DCAF10: variants seen among roughly 807,000 people sequenced by gnomAD.
DCAF10 encodes the protein DDB1 and CUL4 associated factor 10.
A neutral mutation model predicts 51.9 loss-of-function variants in DCAF10; 19 were observed. That is an observed-to-expected ratio of 0.37 (90% confidence interval 0.26 to 0.54). The LOEUF is 0.54. Among genes scored for constraint, DCAF10 ranks in the 20% least tolerant of loss-of-function variants. DCAF10 has a pLI of 0.87. For missense variants in DCAF10, 510 were observed against 730.6 expected (o/e 0.70, Z 3.48); for synonymous variants, 291 against 297.1 (o/e 0.98, Z 0.21).
chr9:37,812,070 C>T (rs893788944), intron 1 of DCAF10, among the ~76,000 whole-genome samples: 6 of 152,068 alleles, frequency 3.9e-5, no homozygotes, highest in African/African-American at 1.4e-4. Flanking sequence ...GTCCCAGCTA[C>T]TCAGGAGGCT....
upstream of DCAF10, chr9:37,800,670 C>T: frequency 2.6e-6 from 4 of 1,535,980 alleles, no homozygotes; most frequent in African/African-American, 1.4e-5. Flanking sequence ...TCCCTACCTC[C>T]GTTCCCGGGA....
chr9:37,830,990 A>AGGTGGGCAGATTGCC (rs1426754609), intron 2 of DCAF10, among the ~76,000 whole-genome samples: 1 of 152,208 alleles, frequency 6.6e-6, no homozygotes, highest in Non-Finnish European at 1.5e-5. Flanking sequence ...TGGGAGGCTG[A>AGGTGGGCAGATTGCC]GGTGGGCAGA....
chr9:37,839,822 C>G (rs10122452), intron 2 of DCAF10, among the ~76,000 whole-genome samples: 29,174 of 152,146 alleles, frequency 0.19, 3,199 homozygotes, highest in African/African-American at 0.29. Context: ...TAATTATGTA[C>G]TTACAGTGTC....
rs1831047264 is a variant in DCAF10 at position 37,862,639 on chromosome 9, C to T, written c.*1131C>T. The T allele has an allele frequency of 6.6e-6, 1 of 152,190 alleles. No individual in the cohort carries two copies. The highest frequency in any genetic ancestry group is 2.4e-5 in the African/African-American group (1 of 41,442). 9.4% of individuals were successfully genotyped at this position (152,190 alleles called of 1,614,324 possible). A position where few individuals can be genotyped will look rare whatever the true frequency, so the allele number is the denominator to read the frequency against. ...ACTAAGTGCTGATATGAAGACTTGCCTTTGTGTTTTGTTATGAAACACGCA... is the reference window on the plus strand; with the variant it reads ...ACTAAGTGCTGATATGAAGACTTGCTTTTGTGTTTTGTTATGAAACACGCA... On this transcript the variant is annotated 3_prime_UTR_variant, in exon 7 of 7. Coordinates refer to ENST00000377724, the MANE Select transcript of DCAF10 (RefSeq NM_024345.5).
intron 4 of DCAF10, 50 bp from the exon 5 acceptor site, chr9:37,857,189 CCA>C (rs1830873111): frequency 7.4e-7 from 1 of 1,359,808 alleles, no homozygotes; most frequent in East Asian, 2.4e-5. Context: ...AAGTTAAGAG[CCA>C]CTACCAGAGT....
intron 2 of DCAF10, among the ~76,000 whole-genome samples, chr9:37,822,851 C>T: frequency 6.6e-6 from 1 of 151,998 alleles, no homozygotes. Flanking sequence ...ACCTGTAATC[C>T]CAGCAACTTG....
At chr9:37,820,768 C>A (rs1829678223) in intron 2 of DCAF10, among the ~76,000 whole-genome samples, 1 of 151,966 alleles carries the variant, frequency 6.6e-6, no homozygotes, top group Non-Finnish European at 1.5e-5. Context: ...TCAAAAGAAA[C>A]CTATAACCCA....
At position 37,829,872 on chromosome 9, in the gene DCAF10, T is replaced by C; in HGVS notation, c.653+10471T>C. ...CAATTTAAAAATTAGCCAGGTGTAG[T>C]TGCACGTGCCTATAGTCCCAGCTAC... On this transcript the variant is annotated intron_variant, in intron 2 of 6. Transcript: ENST00000377724. The surrounding 1 kb of genome is among the most constrained non-coding windows in gnomAD (Gnocchi z 4.2). Among the ~76,000 whole-genome samples, 1 of 151,918 alleles carries C rather than the reference T, an allele frequency of 6.6e-6. No individual in the cohort carries two copies. Among genetic ancestry groups the C allele is most frequent in the East Asian group, 1.9e-4 (1 of 5,176 alleles).
At chr9:37,845,706 A>G (rs9886745) in intron 3 of DCAF10, among the ~76,000 whole-genome samples, 29,162 of 152,102 alleles carry the variant, frequency 0.19, 3,204 homozygotes, top group African/African-American at 0.29. Flanking sequence ...AAACCTTCCC[A>G]TGATTCAGCA....
At position 37,819,149 on chromosome 9, in the gene DCAF10, A is replaced by C. The variant is rs7037700; in HGVS notation, c.540-139A>C. 5.8e-4 allele frequency: 363 copies of C among 621,304 alleles called. No individual in the cohort carries two copies. The African/African-American group carries it at 5.9e-3, about 10-fold the overall frequency. The allele number at this position is 621,304 out of a possible 1,614,324, so 38.5% of individuals were successfully genotyped here. ...CTCTTGCCAACCACAGATAGTATCA[A>C]TCTTTTAAACATTTGCTACTAACAT... On this transcript the variant is annotated intron_variant, in intron 1 of 6. Coordinates refer to ENST00000377724, the MANE Select transcript of DCAF10 (RefSeq NM_024345.5).
chr9:37,829,043 G>A lies in DCAF10; in HGVS notation c.653+9642G>A, dbSNP rs1829934610. Among the ~76,000 whole-genome samples the A allele has an allele frequency of 1.3e-5, 2 of 152,218 alleles. No homozygotes were observed. The highest frequency in any genetic ancestry group is 4.1e-4 in the South Asian group (2 of 4,826). ...AACCAAACGCATCATAATAATGTGA[G>A]AAGATAGGCTATAGTTGGTGGGAGA... is the stretch of plus-strand genomic sequence containing the variant. On this transcript the variant is annotated intron_variant, in intron 2 of 6. Transcript: ENST00000377724. This position sits in a 1 kb window ranked among gnomAD's most constrained non-coding sequence, Gnocchi z 4.2.
At chr9:37,848,927 C>T (rs1167804760) in intron 3 of DCAF10, among the ~76,000 whole-genome samples, 1 of 147,988 alleles carries the variant, frequency 6.8e-6, no homozygotes, top group Non-Finnish European at 1.5e-5. Context: ...GAGTCAAGAT[C>T]ACGCCACTGC....
At chr9:37,824,838 GA>G (rs1470862566) in intron 2 of DCAF10, among the ~76,000 whole-genome samples, 2 of 151,828 alleles carry the variant, frequency 1.3e-5, no homozygotes, top group Non-Finnish European at 2.9e-5. Context: ...AAGATAAAAT[GA>G]AACAGTACAC....
intron 1 of DCAF10, among the ~76,000 whole-genome samples, chr9:37,816,045 T>C (rs1042950972): frequency 1.3e-5 from 2 of 152,188 alleles, no homozygotes; most frequent in African/African-American, 4.8e-5. Context: ...CTTTCCTCCT[T>C]GGTCTCCCAA....
chr9:37,852,946 ATATATATATATATATATAT>A (rs371931980), intron 3 of DCAF10, among the ~76,000 whole-genome samples: 21,973 of 68,836 alleles, frequency 0.32, 1,955 homozygotes, highest in Non-Finnish European at 0.34. Flanking sequence ...ATATATATAT[ATATATATATATATATATAT>A]AAATTAGCTT....
rs1455358930 is a variant in DCAF10, at chr9:37,866,992, T to G, written c.*5484T>G. 1 of 152,186 alleles carries G rather than the reference T, an allele frequency of 6.6e-6. No individual in the cohort carries two copies. Among genetic ancestry groups the G allele is most frequent in the East Asian group, 1.9e-4 (1 of 5,200 alleles). The allele number at this position is 152,186 out of a possible 1,614,324, so 9.4% of individuals were successfully genotyped here. A position where few individuals can be genotyped will look rare whatever the true frequency, so the allele number is the denominator to read the frequency against. ...ATAGGCTTAAATTATCACGTATTGTTACAAAGACACAGTTTTGTCTCATTA... is the reference window on the plus strand; with the variant it reads ...ATAGGCTTAAATTATCACGTATTGTGACAAAGACACAGTTTTGTCTCATTA... On this transcript the variant is annotated 3_prime_UTR_variant, in exon 7 of 7. Transcript: ENST00000377724.
intron 1 of DCAF10, among the ~76,000 whole-genome samples, chr9:37,809,394 TAAAAA>T (rs60722292): frequency 3.1e-5 from 4 of 129,142 alleles, no homozygotes; most frequent in Non-Finnish European, 5.1e-5. Flanking sequence ...GGAAATATAG[TAAAAA>T]AAAAAAAAAG....
chr9:37,822,942 AG>A (rs1829749782), intron 2 of DCAF10, among the ~76,000 whole-genome samples: 1 of 152,150 alleles, frequency 6.6e-6, no homozygotes, highest in African/African-American at 2.4e-5. Context: ...CTCTCAGCCT[AG>A]GTGACAGAGC....
chr9:37,802,460 T>C (rs1012063857), intron 1 of DCAF10, among the ~76,000 whole-genome samples: 2 of 151,766 alleles, frequency 1.3e-5, no homozygotes, highest in Admixed American at 6.6e-5. Context: ...CAAGATAGGG[T>C]TGGGAAAGGG....
Sources: gnomAD v4.1 joint callset for allele counts (sites outside exome capture counted in the v4.1 genomes callset) on GRCh38, gnomAD v4.1.1 for gene constraint, Gnocchi (gnomAD v3.1) non-coding constraint, MANE v1.5 for transcripts, NCBI Gene and HGNC (gene_info 2026-07-23, HGNC 2026-07-21) for gene names.